Variants in SHISA9 observed in about 807,000 individuals in gnomAD.
The protein encoded by SHISA9 is protein shisa-9.
A neutral mutation model predicts 38.0 loss-of-function variants in SHISA9; 13 were observed. The ratio of observed to expected loss-of-function variants is 0.34; its 90% CI spans 0.22 to 0.54. The LOEUF (loss-of-function observed/expected upper bound fraction) is 0.54, where lower values mean the gene tolerates loss of function less well. Among genes scored for constraint, SHISA9 ranks in the 20% least tolerant of loss-of-function variants. The pLI, the probability that SHISA9 is intolerant of heterozygous loss-of-function variation, is 0.91. For missense variants in SHISA9, 538 were observed against 575.8 expected, an observed-to-expected ratio of 0.93 and a Z score of 0.67; for synonymous variants, 275 against 242.0, an observed-to-expected ratio of 1.14 and a Z score of -1.27.
rs1330623902 is a variant in SHISA9 at position 13,239,685 on chromosome 16, G to GT, written c.*4283dup. Reference sequence around the variant, plus strand: ...CGCCCACTTTTTGATGGGGTTGTTTGTTTTTTTCTTGTAAATTTGTTTGAG... The same window carrying GT: ...CGCCCACTTTTTGATGGGGTTGTTTGTTTTTTTTCTTGTAAATTTGTTTGAG... On this transcript the variant is annotated 3_prime_UTR_variant, in exon 5 of 5. Coordinates refer to ENST00000558583, the MANE Select transcript of SHISA9 (RefSeq NM_001145204.3). 2.6e-5 allele frequency: 4 copies of GT among 152,162 alleles called. No homozygotes were observed. Among genetic ancestry groups the GT allele is most frequent in the African/African-American group, 4.8e-5 (2 of 41,494 alleles). The allele number at this position is 152,162 out of a possible 1,614,324, so 9.4% of individuals were successfully genotyped here.
the SHISA9 span, among the ~76,000 whole-genome samples, chr16:13,543,505 T>A: frequency 2.6e-5 from 4 of 152,190 alleles, no homozygotes; most frequent in African/African-American, 7.2e-5. Context: ...CCAAGACCAC[T>A]CAGACGGCCA....
At chr16:13,561,588 G>T in the SHISA9 span, among the ~76,000 whole-genome samples, 1 of 152,176 alleles carries the variant, frequency 6.6e-6, no homozygotes, top group Non-Finnish European at 1.5e-5. Context: ...GATCCTTCAG[G>T]ACTCTGCTCA....
At chr16:12,973,186 G>T (rs1024498983) in intron 2 of SHISA9, among the ~76,000 whole-genome samples, 1 of 152,178 alleles carries the variant, frequency 6.6e-6, no homozygotes, top group Admixed American at 6.5e-5. Context: ...ACTCATGAAG[G>T]ATCCTATTCA....
At chr16:13,084,069 G>C (rs1271518422) in intron 2 of SHISA9, among the ~76,000 whole-genome samples, 1 of 151,332 alleles carries the variant, frequency 6.6e-6, no homozygotes, top group South Asian at 2.1e-4. Context: ...GCCTCTTGCA[G>C]TGAGGTTATT....
chr16:13,135,833 TGA>T (rs1725255595), intron 2 of SHISA9, among the ~76,000 whole-genome samples: 1 of 152,218 alleles, frequency 6.6e-6, no homozygotes, highest in Non-Finnish European at 1.5e-5. Flanking sequence ...GATTATTCTT[TGA>T]GGTTTCATCT....
chr16:13,208,448 T>C (rs1255520354), intron 3 of SHISA9, among the ~76,000 whole-genome samples: 3 of 148,480 alleles, frequency 2.0e-5, no homozygotes, highest in Non-Finnish European at 4.5e-5. Context: ...TTTTTCTTTT[T>C]TTTTTTTTTT....
chr16:13,390,323 C>G, the SHISA9 span, among the ~76,000 whole-genome samples: 9 of 152,116 alleles, frequency 5.9e-5, no homozygotes, highest in African/African-American at 1.4e-4. Context: ...CTCAGACATG[C>G]AATTGTTTTA....
the SHISA9 span, among the ~76,000 whole-genome samples, chr16:13,554,484 CT>C: frequency 0.23 from 32,357 of 140,300 alleles, 4,206 homozygotes; most frequent in Non-Finnish European, 0.3. Context: ...CATTTGTTTC[CT>C]TTTTTTTTTT....
intron 2 of SHISA9, among the ~76,000 whole-genome samples, chr16:13,117,267 GC>G (rs1187695963): frequency 6.6e-6 from 1 of 152,106 alleles, no homozygotes; most frequent in African/African-American, 2.4e-5. Context: ...GAGCCACTGT[GC>G]CTCGCCTATT....
the SHISA9 span, among the ~76,000 whole-genome samples, chr16:13,551,288 G>A: frequency 6.6e-6 from 1 of 152,210 alleles, no homozygotes; most frequent in Non-Finnish European, 1.5e-5. Flanking sequence ...ATACACATAA[G>A]CACCAACACA....
chr16:12,914,350 C>G (rs923772586), intron 1 of SHISA9, among the ~76,000 whole-genome samples: 47 of 152,188 alleles, frequency 3.1e-4, no homozygotes, highest in African/African-American at 1.1e-3. Flanking sequence ...GGTAGTTTAT[C>G]TACTTAACAT....
At chr16:12,916,511 A>T (rs2071258989) in intron 1 of SHISA9, among the ~76,000 whole-genome samples, 177 bp from the exon 2 acceptor site, 1 of 151,964 alleles carries the variant, frequency 6.6e-6, no homozygotes, top group African/African-American at 2.4e-5. Flanking sequence ...TCCCTATGTA[A>T]CCTCTAATTA....
At chr16:13,511,787 G>A in the SHISA9 span, among the ~76,000 whole-genome samples, 1 of 151,136 alleles carries the variant, frequency 6.6e-6, no homozygotes, top group Non-Finnish European at 1.5e-5. Context: ...AGAAGGTGAG[G>A]GTGGGGGCAG....
At chr16:12,987,602 G>A (rs1485890143) in intron 2 of SHISA9, among the ~76,000 whole-genome samples, 1 of 152,152 alleles carries the variant, frequency 6.6e-6, no homozygotes, top group African/African-American at 2.4e-5. Flanking sequence ...CAGGGAAGCT[G>A]GGGGAGGGAG....
At chr16:13,428,867 G>A in the SHISA9 span, among the ~76,000 whole-genome samples, 1 of 151,264 alleles carries the variant, frequency 6.6e-6, no homozygotes, top group Admixed American at 6.6e-5. Flanking sequence ...CCAGGTTCAA[G>A]TGATTCTCCT....
the SHISA9 span, among the ~76,000 whole-genome samples, chr16:13,437,288 T>C: frequency 2.9e-4 from 44 of 152,270 alleles, no homozygotes; most frequent in African/African-American, 9.6e-4. Context: ...AAGATGGACA[T>C]TAAAAGGCTC....
the SHISA9 span, among the ~76,000 whole-genome samples, chr16:13,432,754 G>A: frequency 2.0e-5 from 3 of 152,146 alleles, no homozygotes; most frequent in East Asian, 5.8e-4. Context: ...ATAAGTGCAT[G>A]TCCTTTGCAG....
At chr16:13,464,173 G>A in the SHISA9 span, among the ~76,000 whole-genome samples, 6 of 152,158 alleles carry the variant, frequency 3.9e-5, no homozygotes, top group Non-Finnish European at 7.3e-5. Context: ...TAATTGTGAG[G>A]ATTGGAGGAA....
chr16:13,172,244 G>T (rs149197633), intron 2 of SHISA9, among the ~76,000 whole-genome samples: 1 of 152,264 alleles, frequency 6.6e-6, no homozygotes. Context: ...TATTAAATGG[G>T]CACTAACTTT....
Sources: gnomAD v4.1 joint callset for allele counts (sites outside exome capture counted in the v4.1 genomes callset) on GRCh38, gnomAD v4.1.1 for gene constraint, MANE v1.5 for transcripts, NCBI Gene and HGNC (gene_info 2026-07-23, HGNC 2026-07-21) for gene names.